Variants in ESRRG observed in about 807,000 individuals in gnomAD.
ESRRG encodes the protein estrogen related receptor gamma.
In ESRRG, 13 loss-of-function variants were observed where a neutral mutation model predicts 44.0. The observed-to-expected ratio is 0.30, with a 90% confidence interval of 0.19 to 0.47. The LOEUF (loss-of-function observed/expected upper bound fraction) is 0.47, where lower values mean the gene tolerates loss of function less well. Among genes scored for constraint, ESRRG ranks in the 20% least tolerant of loss-of-function variants. The pLI is 1.00. For synonymous variants in ESRRG, 215 were observed against 214.6 expected, an observed-to-expected ratio of 1.00 and a Z score of -0.02; for missense variants, 395 against 580.6, an observed-to-expected ratio of 0.68 and a Z score of 3.29.
intron 2 of ESRRG, among the ~76,000 whole-genome samples, chr1:216,867,040 CTT>C (rs1436447718): frequency 6.6e-5 from 10 of 152,098 alleles, no homozygotes; most frequent in African/African-American, 2.4e-4. Flanking sequence ...AATGATGAAA[CTT>C]TGTGATACTG....
intron 1 of ESRRG, among the ~76,000 whole-genome samples, chr1:217,013,851 CTGAA>C (rs202156075): frequency 0.15 from 22,667 of 151,868 alleles, 2,169 homozygotes; most frequent in Admixed American, 0.21. Context: ...AAATGAGGGG[CTGAA>C]ACATTAGCAC....
At chr1:217,061,268 T>C (rs950263558) in intron 1 of ESRRG, among the ~76,000 whole-genome samples, 5 of 152,156 alleles carry the variant, frequency 3.3e-5, no homozygotes, top group African/African-American at 1.2e-4. Flanking sequence ...AAGCATTACC[T>C]TCCCAATTCC....
chr1:216,972,067 T>TATTTATATTTTTTTCC (rs1231441689), intron 1 of ESRRG, among the ~76,000 whole-genome samples: 2 of 152,210 alleles, frequency 1.3e-5, no homozygotes, highest in African/African-American at 4.8e-5. Flanking sequence ...TTTTTTTTTC[T>TATTTATATTTTTTTCC]ATTTATATTT....
intron 5 of ESRRG, among the ~76,000 whole-genome samples, chr1:216,544,803 G>A (rs1558395245): frequency 6.6e-6 from 1 of 151,666 alleles, no homozygotes; most frequent in East Asian, 1.9e-4. Context: ...TTCAAAATTT[G>A]GTAAAATATG....
chr1:216,702,446 C>T (rs1332561412), intron 1 of ESRRG, among the ~76,000 whole-genome samples: 2 of 151,930 alleles, frequency 1.3e-5, no homozygotes, highest in South Asian at 2.1e-4. Flanking sequence ...TTTATGTGAT[C>T]TTAGGATAAA....
chr1:216,551,112 G>C (rs1317322843), intron 5 of ESRRG, among the ~76,000 whole-genome samples: 1 of 152,116 alleles, frequency 6.6e-6, no homozygotes, highest in Admixed American at 6.6e-5. Flanking sequence ...ATAGGCTGCA[G>C]AACAACAGTC....
At chr1:217,058,328 A>G (rs1322862299) in intron 1 of ESRRG, among the ~76,000 whole-genome samples, 1 of 152,198 alleles carries the variant, frequency 6.6e-6, no homozygotes, top group African/African-American at 2.4e-5. Context: ...ACTTGCAAGT[A>G]TGAAGGACTC....
intron 1 of ESRRG, among the ~76,000 whole-genome samples, chr1:216,707,876 A>T (rs1299825835): frequency 6.6e-6 from 1 of 152,216 alleles, no homozygotes; most frequent in Non-Finnish European, 1.5e-5. Context: ...TACACTTCAA[A>T]ATCAATTTTA....
intron 1 of ESRRG, among the ~76,000 whole-genome samples, chr1:217,109,551 A>T (rs750029436): frequency 2.0e-5 from 3 of 152,166 alleles, no homozygotes; most frequent in African/African-American, 2.4e-5. Context: ...GATAGCAAAC[A>T]TTCTCCACTT....
chr1:216,701,850 A>G (rs1333215823), intron 1 of ESRRG, among the ~76,000 whole-genome samples: 1 of 152,234 alleles, frequency 6.6e-6, no homozygotes, highest in Non-Finnish European at 1.5e-5. Flanking sequence ...TAAAAACACC[A>G]TAACTGCTAT....
chr1:216,698,792 G>T lies in ESRRG; in HGVS notation c.57-21301C>A, dbSNP rs201261929. ...CTTCAGAAACCTCTATCGAAGAGAT[G>T]CCTCTCTCCAGTGTCTAAGGAACCA... On this transcript the variant is annotated intron_variant, in intron 1 of 6. Coordinates refer to ENST00000408911, the MANE Select transcript of ESRRG (RefSeq NM_001438.4). Among the ~76,000 whole-genome samples the T allele has an allele frequency of 7.2e-5, 11 of 152,286 alleles. No homozygotes were observed. In the East Asian group the frequency reaches 1.9e-3, roughly 27 times the overall value.
intron 1 of ESRRG, among the ~76,000 whole-genome samples, chr1:217,080,918 C>A (rs1440622594): frequency 6.6e-6 from 1 of 151,776 alleles, no homozygotes; most frequent in Non-Finnish European, 1.5e-5. Flanking sequence ...ACCTCGTGAT[C>A]CGCCCGCCTC....
intron 1 of ESRRG, among the ~76,000 whole-genome samples, chr1:217,026,906 C>CAGAGAGAGAG (rs1190481305): frequency 3.4e-4 from 25 of 74,616 alleles, no homozygotes; most frequent in South Asian, 1.1e-3. Context: ...CACACACACA[C>CAGAGAGAGAG]ACACACAGAG....
At chr1:217,110,390 A>G (rs762228837) in intron 1 of ESRRG, among the ~76,000 whole-genome samples, 20 of 152,174 alleles carry the variant, frequency 1.3e-4, no homozygotes, top group Non-Finnish European at 2.8e-4. Flanking sequence ...GCTCACAACC[A>G]TAGCAAACCA....
intron 1 of ESRRG, among the ~76,000 whole-genome samples, chr1:216,712,217 G>T (rs184702363): frequency 6.6e-6 from 1 of 152,114 alleles, no homozygotes; most frequent in Non-Finnish European, 1.5e-5. Context: ...GAACATTTAC[G>T]TATTCAATGG....
chr1:216,533,886 A>G (rs1490776425), intron 5 of ESRRG, among the ~76,000 whole-genome samples: 1 of 152,150 alleles, frequency 6.6e-6, no homozygotes, highest in Non-Finnish European at 1.5e-5. Context: ...AATGTAATAA[A>G]GGCCATGTAA....
intron 1 of ESRRG, among the ~76,000 whole-genome samples, chr1:217,133,637 C>CTT (rs1553294741): frequency 8.4e-4 from 34 of 40,338 alleles, no homozygotes; most frequent in Middle Eastern, 0.013. Flanking sequence ...TTCTTTCTCT[C>CTT]TCTCTCTCTC....
At chr1:217,075,589 TC>T (rs66514039) in intron 1 of ESRRG, among the ~76,000 whole-genome samples, 1,834 of 145,404 alleles carry the variant, frequency 0.013, 22 homozygotes, top group African/African-American at 0.024. Flanking sequence ...ATTGCTCCTT[TC>T]CCCCCCCCAA....
chr1:216,871,607 T>A (rs892698112), intron 2 of ESRRG, among the ~76,000 whole-genome samples: 10 of 152,042 alleles, frequency 6.6e-5, no homozygotes, highest in African/African-American at 2.4e-4. Context: ...GATTTGCCTA[T>A]TTCTACTCTC....
Sources: allele counts gnomAD v4.1 joint callset (sites outside exome capture counted in the v4.1 genomes callset), GRCh38; gene constraint gnomAD v4.1.1; transcripts MANE v1.5; gene names NCBI Gene and HGNC (gene_info 2026-07-23, HGNC 2026-07-21).